The following LRRC70 variants were observed in gnomAD, a reference collection of about 807,000 sequenced individuals.
LRRC70 encodes leucine-rich repeat-containing protein 70.
A neutral mutation model predicts 42.4 loss-of-function variants in LRRC70; 31 were observed. The ratio of observed to expected loss-of-function variants is 0.73; its 90% CI spans 0.55 to 0.99. LRRC70 has a LOEUF of 0.99. Ranked by LOEUF, LRRC70 falls within the 50% of genes least tolerant of loss-of-function variation. The pLI, the probability that LRRC70 is intolerant of heterozygous loss-of-function variation, is 0.00. For synonymous variants in LRRC70, 270 were observed against 262.9 expected (o/e 1.03, Z -0.26); for missense variants, 643 against 707.5 (o/e 0.91, Z 1.03).
Position 62,580,895 on chromosome 5 carries a change from T to A in LRRC70, c.1457T>A (p.Ile486Lys). ...LETTAVLPVQ[I>K]QLTTSVTLNL... ...ACTACAGCAGTGTTACCTGTGCAAATACAACTTACTACTTCTGTTACCTTG... is the reference window on the plus strand; with the variant it reads ...ACTACAGCAGTGTTACCTGTGCAAAAACAACTTACTACTTCTGTTACCTTG... Residue 486 changes from isoleucine (I) to lysine (K), a missense_variant, in exon 2 of 2, where the codon ATA becomes AAA. Ile to Lys is a moderately radical substitution (Grantham distance 102). Coordinates refer to ENST00000334994, the MANE Select transcript of LRRC70 (RefSeq NM_181506.5). 1 of 1,551,412 alleles carries A rather than the reference T, an allele frequency of 6.4e-7. No individual in the cohort carries two copies. The highest frequency in any genetic ancestry group is 8.7e-7 in the Non-Finnish European group (1 of 1,146,850).
chr5:62,579,907 T>C lies in LRRC70; in HGVS notation c.469T>C (p.Ser157Pro). 6.4e-7 allele frequency: 1 copy of C among 1,551,274 alleles called. No homozygotes were observed. The highest frequency in any genetic ancestry group is 8.7e-7 in the Non-Finnish European group (1 of 1,146,680). The change falls in exon 2 of 2, where the codon TCA becomes CCA. Residue 157 changes from serine (S) to proline (P), a missense_variant. Transcript: ENST00000334994. ...VPRGVFNDLV[S>P]VQYLNLQRNR... ...GAGAGGAGTATTTAATGATCTAGTTTCAGTTCAGTACTTAAATCTACAAAG... is the reference window on the plus strand; with the variant it reads ...GAGAGGAGTATTTAATGATCTAGTTCCAGTTCAGTACTTAAATCTACAAAG...
Position 62,580,484 on chromosome 5 carries a change from C to T in LRRC70, c.1046C>T (p.Ser349Phe), listed in dbSNP as rs749362061. 38 of 1,551,276 alleles carry T rather than the reference C, an allele frequency of 2.4e-5. No homozygotes were observed. The highest frequency in any genetic ancestry group is 2.9e-5 in the Non-Finnish European group (33 of 1,146,826). ...ALHPRVLKPL[S>F]SLIHLQANSN... ...CATCCAAGGGTCCTTAAGCCGTTGT[C>T]TTCATTGATTCATCTTCAGGCAAAT... is the stretch of plus-strand genomic sequence containing the variant. The change falls in exon 2 of 2, where the codon TCT (serine) becomes TTT (phenylalanine). Residue 349 changes from serine (S) to phenylalanine (F), a missense_variant. Transcript: ENST00000334994.
chr5:62,579,831 T>G lies in LRRC70; in HGVS notation c.393T>G (p.Leu131=). ...TAGATCCTGGAATATTTAAGGGACT[T>G]TTAAATCTTCGTAATTTATATTTAC... ...KRLDPGIFKG[L]LNLRNLYLQY... Residue 131 remains leucine, a synonymous_variant, in exon 2 of 2, where the codon CTT becomes CTG. Coordinates refer to ENST00000334994, the MANE Select transcript of LRRC70 (RefSeq NM_181506.5). 1 of 1,547,168 alleles carries G rather than the reference T, an allele frequency of 6.5e-7. No individual in the cohort carries two copies. The highest frequency in any genetic ancestry group is 8.7e-7 in the Non-Finnish European group (1 of 1,143,846).
rs968355329 is a variant in LRRC70, at chr5:62,579,335, G to A, written c.-38-66G>A. 4 of 991,994 alleles carry A rather than the reference G, an allele frequency of 4.0e-6. No individual in the cohort carries two copies. In the African/African-American group the frequency reaches 6.5e-5, roughly 16 times the overall value. 61.4% of individuals were successfully genotyped at this position (991,994 alleles called of 1,614,324 possible). A position where few individuals can be genotyped will look rare whatever the true frequency, so the allele number is the denominator to read the frequency against. On this transcript the variant is annotated intron_variant, in intron 1 of 1. Coordinates refer to ENST00000334994, the MANE Select transcript of LRRC70 (RefSeq NM_181506.5). The stretch of plus-strand genomic sequence containing the variant: ...ATTAAAATAGAATACAGAAGTTATA[G>A]TATTATAAAAAAAATTCATTTGATG...
Position 62,580,295 on chromosome 5 carries a change from A to T in LRRC70, c.857A>T (p.Asn286Ile). Residue 286 changes from asparagine to isoleucine, a missense_variant, in exon 2 of 2, where the codon AAT (asparagine) becomes ATT (isoleucine). Transcript: ENST00000334994. ...NNLKHLILSH[N>I]DLENLNSDTF... ...CTTAAACATTTGATCTTAAGTCATA[A>T]TGATTTAGAGAATTTAAATTCTGAC... 6.5e-7 allele frequency: 1 copy of T among 1,539,260 alleles called. No individual in the cohort carries two copies. The highest frequency in any genetic ancestry group is 8.8e-7 in the Non-Finnish European group (1 of 1,135,868).
chr5:62,580,973 A>G lies in LRRC70; in HGVS notation c.1535A>G (p.Lys512Arg). The G allele has an allele frequency of 6.4e-7, 1 of 1,551,134 alleles. No individual in the cohort carries two copies. Among genetic ancestry groups the G allele is most frequent in the Non-Finnish European group, 8.7e-7 (1 of 1,146,782 alleles). Reference sequence around the variant, plus strand: ...AATGATGCTGCTTCAATGTCAGGGAAAACATCTCTAATTTGTACACAAGAA... The same window carrying G: ...AATGATGCTGCTTCAATGTCAGGGAGAACATCTCTAATTTGTACACAAGAA... ...LPNDAASMSG[K>R]TSLICTQEVE... The change falls in exon 2 of 2, where the codon AAA (lysine) becomes AGA (arginine). Residue 512 changes from lysine (K) to arginine (R), a missense_variant. Coordinates refer to ENST00000334994, the MANE Select transcript of LRRC70 (RefSeq NM_181506.5).
In LRRC70 at chr5:62,580,790, A is replaced by T. The variant is rs1255910997; in HGVS notation, c.1352A>T (p.Asn451Ile). The stretch of plus-strand genomic sequence containing the variant: ...CCTCTGGAAAATACTGAGACTGAGA[A>T]CATTACTTTCTGGGAACGAATTCCT... ...GSPLENTETE[N>I]ITFWERIPTS... The change falls in exon 2 of 2, where the codon AAC becomes ATC. Residue 451 changes from asparagine to isoleucine, a missense_variant. Coordinates refer to ENST00000334994, the MANE Select transcript of LRRC70 (RefSeq NM_181506.5). The T allele has an allele frequency of 3.9e-6, 6 of 1,551,454 alleles. No homozygotes were observed. Among genetic ancestry groups the T allele is most frequent in the Non-Finnish European group, 5.2e-6 (6 of 1,146,862 alleles).
chr5:62,579,727 C>A lies in LRRC70; in HGVS notation c.289C>A (p.Leu97Met). Reference sequence around the variant, plus strand: ...ATTGTATTTGGATAATTCTAACATTCTGTATGTATATCCAAAAGCCTTTGT... The same window carrying A: ...ATTGTATTTGGATAATTCTAACATTATGTATGTATATCCAAAAGCCTTTGT... The part of the protein sequence containing the change: ...VALYLDNSNI[L>M]YVYPKAFVQL... The change falls in exon 2 of 2, where the codon CTG (leucine) becomes ATG (methionine). Residue 97 changes from leucine to methionine, a missense_variant. Leu to Met is a conservative substitution (Grantham distance 15). Coordinates refer to ENST00000334994, the MANE Select transcript of LRRC70 (RefSeq NM_181506.5). The A allele has an allele frequency of 8.4e-6, 13 of 1,548,060 alleles. No homozygotes were observed. Among genetic ancestry groups the A allele is most frequent in the Non-Finnish European group, 8.7e-6 (10 of 1,145,256 alleles).
In LRRC70 at chr5:62,581,268, TGAG is replaced by T. The variant is rs1159691150; in HGVS notation, c.1832_1834del (p.Glu611del). Reference sequence around the variant, plus strand: ...TTCATAAACAAATTGTTCCTGAAAATGAGGCACAGGTCATTCTTTTTGAACATT... The same window carrying T: ...TTCATAAACAAATTGTTCCTGAAAATGCACAGGTCATTCTTTTTGAACATT... On this transcript the variant is annotated inframe_deletion, in exon 2 of 2. Transcript: ENST00000334994. 4 of 1,537,978 alleles carry T rather than the reference TGAG, an allele frequency of 2.6e-6. No homozygotes were observed. Among genetic ancestry groups the T allele is most frequent in the Non-Finnish European group, 2.6e-6 (3 of 1,143,206 alleles).
chr5:62,581,151 C>G lies in LRRC70; in HGVS notation c.1713C>G (p.Ser571Arg). ...NSRENRLEYY[S>R]FYQSARYNVT... is the part of the protein sequence containing the mutation. Reference sequence around the variant, plus strand: ...GGGAAAATAGACTTGAATACTACAGCTTTTATCAGTCAGCAAGGTATAATG... The same window carrying G: ...GGGAAAATAGACTTGAATACTACAGGTTTTATCAGTCAGCAAGGTATAATG... The change falls in exon 2 of 2, where the codon AGC becomes AGG. Residue 571 changes from serine to arginine, a missense_variant. Transcript: ENST00000334994. The G allele has an allele frequency of 6.4e-7, 1 of 1,550,958 alleles. No individual in the cohort carries two copies. Among genetic ancestry groups the G allele is most frequent in the South Asian group, 1.2e-5 (1 of 83,908 alleles).
At position 62,581,207 on chromosome 5, in the gene LRRC70, A is replaced by G. The variant is rs1277121904; in HGVS notation, c.1769A>G (p.Asn590Ser). Residue 590 changes from asparagine to serine, a missense_variant, in exon 2 of 2, where the codon AAT becomes AGT. Coordinates refer to ENST00000334994, the MANE Select transcript of LRRC70 (RefSeq NM_181506.5). ...VTASICNTSPNSLESPGLEQI... is the reference protein window; with the variant it reads ...VTASICNTSPSSLESPGLEQI... ...GCCTCAATTTGTAACACTTCCCCAA[A>G]TTCTCTAGAAAGTCCTGGCTTGGAG... The G allele has an allele frequency of 1.9e-6, 3 of 1,550,832 alleles. No homozygotes were observed. Among genetic ancestry groups the G allele is most frequent in the African/African-American group, 1.4e-5 (1 of 73,000 alleles).
At position 62,580,352 on chromosome 5, in the gene LRRC70, T is replaced by C; in HGVS notation, c.914T>C (p.Leu305Pro). Residue 305 changes from leucine (L) to proline (P), a missense_variant, in exon 2 of 2, where the codon CTT becomes CCT. Coordinates refer to ENST00000334994, the MANE Select transcript of LRRC70 (RefSeq NM_181506.5). ...AGTTTGTTAAAGAATTTAATTTACC[T>C]TAAGTTAGATAGAAACAGAATAATT... Reference protein sequence around the residue: ...TFSLLKNLIYLKLDRNRIISI... With the variant: ...TFSLLKNLIYPKLDRNRIISI... 6.5e-7 allele frequency: 1 copy of C among 1,545,062 alleles called. No homozygotes were observed.
In LRRC70 at chr5:62,581,062, A is replaced by G; in HGVS notation, c.1624A>G (p.Ile542Val). Residue 542 changes from isoleucine (I) to valine (V), a missense_variant, in exon 2 of 2, where the codon ATC becomes GTC. Transcript: ENST00000334994. Reference sequence around the variant, plus strand: ...TTTTTTCATCTTAGCTTGTGTTTTAATCATTTTTTTGATCTACAAAGTTGT... The same window carrying G: ...TTTTTTCATCTTAGCTTGTGTTTTAGTCATTTTTTTGATCTACAAAGTTGT... Reference protein sequence around the residue: ...LAFFILACVLIIFLIYKVVQF... With the variant: ...LAFFILACVLVIFLIYKVVQF... 1.3e-6 allele frequency: 2 copies of G among 1,549,902 alleles called. No individual in the cohort carries two copies. Among genetic ancestry groups the G allele is most frequent in the Non-Finnish European group, 1.7e-6 (2 of 1,146,518 alleles).
At position 62,580,585 on chromosome 5, in the gene LRRC70, A is replaced by G; in HGVS notation, c.1147A>G (p.Ile383Val). Residue 383 changes from isoleucine to valine, a missense_variant, in exon 2 of 2, where the codon ATC (isoleucine) becomes GTC (valine). Physicochemically the swap from Ile to Val is conservative, Grantham distance 29. Transcript: ENST00000334994. ...AGCATCTTCAGCCATTACTCTAAAC[A>G]TCTATTGTCAGAATCCCCCATCCAT... ...WLASSAITLN[I>V]YCQNPPSMRG... 6.4e-7 allele frequency: 1 copy of G among 1,551,462 alleles called. No individual in the cohort carries two copies. The highest frequency in any genetic ancestry group is 8.7e-7 in the Non-Finnish European group (1 of 1,146,814).
rs762555079 is a variant in LRRC70, at chr5:62,581,154, T to G, written c.1716T>G (p.Phe572Leu). ...AAAATAGACTTGAATACTACAGCTT[T>G]TATCAGTCAGCAAGGTATAATGTAA... is the stretch of plus-strand genomic sequence containing the variant. ...SRENRLEYYSFYQSARYNVTA... is the reference protein window; with the variant it reads ...SRENRLEYYSLYQSARYNVTA... Residue 572 changes from phenylalanine to leucine, a missense_variant, in exon 2 of 2, where the codon TTT (phenylalanine) becomes TTG (leucine). By Grantham distance (22) the Phe-to-Leu change is conservative. Transcript: ENST00000334994. 2 of 1,550,972 alleles carry G rather than the reference T, an allele frequency of 1.3e-6. No homozygotes were observed. The highest frequency in any genetic ancestry group is 4.9e-5 in the East Asian group (2 of 40,908).
Position 62,579,431 on chromosome 5 carries a change from A to AC in LRRC70, c.-7dup. On this transcript the variant is annotated 5_prime_UTR_variant, in exon 2 of 2. Transcript: ENST00000334994. ...TCTGATCTGAACAGAAAATCCAAGA[A>AC]CAGGGATATGTGTGGATTACAGTTT... 1 of 1,550,642 alleles carries AC rather than the reference A, an allele frequency of 6.4e-7. No individual in the cohort carries two copies. The highest frequency in any genetic ancestry group is 8.7e-7 in the Non-Finnish European group (1 of 1,146,210).
In LRRC70 at chr5:62,580,767, T is replaced by C. The variant is rs1441709125; in HGVS notation, c.1329T>C (p.Pro443=). 2 of 1,551,332 alleles carry C rather than the reference T, an allele frequency of 1.3e-6. No individual in the cohort carries two copies. Among genetic ancestry groups the C allele is most frequent in the African/African-American group, 1.4e-5 (1 of 73,034 alleles). Residue 443 remains proline (P), a synonymous_variant, in exon 2 of 2, where the codon CCT becomes CCC. Coordinates refer to ENST00000334994, the MANE Select transcript of LRRC70 (RefSeq NM_181506.5). ...ATAAAGTAACCACAAATGGCAGTCC[T>C]CTGGAAAATACTGAGACTGAGAACA... ...AWHKVTTNGS[P]LENTETENIT...
chr5:62,581,348 A>T lies in LRRC70; in HGVS notation c.*41A>T, dbSNP rs1744553154. 2.1e-6 allele frequency: 3 copies of T among 1,420,316 alleles called. No homozygotes were observed. The highest frequency in any genetic ancestry group is 2.8e-6 in the Non-Finnish European group (3 of 1,078,234). The allele number at this position is 1,420,316 out of a possible 1,614,324, so 88.0% of individuals were successfully genotyped here. A position where few individuals can be genotyped will look rare whatever the true frequency, so the allele number is the denominator to read the frequency against. ...TCTATAAGAAACTTCAGTGCCATGG[A>T]CATGATTTAAACTGAAACCTCCTTA... On this transcript the variant is annotated 3_prime_UTR_variant, in exon 2 of 2. Transcript: ENST00000334994.
Position 62,580,927 on chromosome 5 carries a change from G to T in LRRC70, c.1489G>T (p.Glu497Ter). 1 of 1,550,588 alleles carries T rather than the reference G, an allele frequency of 6.4e-7. No homozygotes were observed. Among genetic ancestry groups the T allele is most frequent in the Non-Finnish European group, 8.7e-7 (1 of 1,146,582 alleles). ...QLTTSVTLNLEKNSALPNDAA... is the reference protein window; with the variant it reads ...QLTTSVTLNL The stretch of plus-strand genomic sequence containing the variant: ...TACTACTTCTGTTACCTTGAACTTG[G>T]AAAAAAACAGTGCTCTACCGAATGA... Residue 497 changes from glutamate (E) to a stop codon, truncating the protein, a stop_gained, in exon 2 of 2, where the codon GAA becomes TAA. Transcript: ENST00000334994. LOFTEE classifies it high-confidence loss of function.
Sources: gnomAD v4.1 joint callset for allele counts on GRCh38, gnomAD v4.1.1 for gene constraint, MANE v1.5 for transcripts, NCBI Gene and HGNC (gene_info 2026-07-23, HGNC 2026-07-21) for gene names.